EPS8L3: variants seen among roughly 807,000 people sequenced by gnomAD.
The protein encoded by EPS8L3 is epidermal growth factor receptor kinase substrate 8-like protein 3.
A neutral mutation model predicts 88.5 loss-of-function variants in EPS8L3; 80 were observed. The ratio of observed to expected loss-of-function variants is 0.90; its 90% CI spans 0.75 to 1.09. EPS8L3 has a LOEUF of 1.09. EPS8L3 is among the 50% of genes least tolerant of loss of function. EPS8L3 has a pLI of 0.00. For synonymous variants in EPS8L3, 286 were observed against 291.0 expected (o/e 0.98, Z 0.18); for missense variants, 721 against 735.2 (o/e 0.98, Z 0.22).
intron 14 of EPS8L3, 69 bp from the exon 15 acceptor site, chr1:109,752,262 A>T (rs767610084): frequency 4.1e-6 from 6 of 1,447,534 alleles, no homozygotes; most frequent in Non-Finnish European, 5.7e-6. Context: ...CAGCCCTGAG[A>T]TTCCCCTCAG....
chr1:109,751,569 A>G (rs954961323), intron 16 of EPS8L3, 85 bp downstream of exon 16: 16 of 1,586,946 alleles, frequency 1.0e-5, no homozygotes, highest in Admixed American at 1.7e-5. Flanking sequence ...AACCAAGACT[A>G]TCTCCTCTGC....
Position 109,757,061 on chromosome 1 carries a change from C to G in EPS8L3, c.1074G>C (p.Glu358Asp). 6.2e-7 allele frequency: 1 copy of G among 1,614,174 alleles called. No homozygotes were observed. The highest frequency in any genetic ancestry group is 8.5e-7 in the Non-Finnish European group (1 of 1,180,024). Residue 358 changes from glutamate (E) to aspartate (D), a missense_variant, in exon 12 of 19, where the codon GAG (glutamate) becomes GAC (aspartate). Transcript: ENST00000361965. ...GGCCCAACCCCATCCAAAGGTTACT[C>G]TCAGGTGGGCTTAGACAGGACTGTA... ...NLLQSCLSPP[E>D]SNLWMGLGPA... is the part of the protein sequence containing the mutation.
At chr1:109,756,491 C>G (rs552005773) in intron 12 of EPS8L3, among the ~76,000 whole-genome samples, 1 of 152,340 alleles carries the variant, frequency 6.6e-6, no homozygotes, top group African/African-American at 2.4e-5. Context: ...GCCCACCTGG[C>G]CTCCCAGAGT....
At chr1:109,758,713 G>C in intron 6 of EPS8L3, 50 bp from the exon 7 acceptor site, 1 of 1,517,208 alleles carries the variant, frequency 6.6e-7, no homozygotes. Flanking sequence ...TCTTTGGAGA[G>C]AGGCCCTCCC....
At chr1:109,762,035 G>C (rs1570710026) in intron 1 of EPS8L3, among the ~76,000 whole-genome samples, 1 of 152,164 alleles carries the variant, frequency 6.6e-6, no homozygotes, top group Non-Finnish European at 1.5e-5. Context: ...CTCAGGGAAG[G>C]CTCCAGGCCT....
chr1:109,756,903 A>G, intron 12 of EPS8L3, 114 bp downstream of exon 12: 1 of 1,348,390 alleles, frequency 7.4e-7, no homozygotes. Context: ...TCCCCCAAGT[A>G]GCTCTGAAAT....
chr1:109,760,653 AGCTGAG>A (rs1650819693), intron 3 of EPS8L3, among the ~76,000 whole-genome samples: 1 of 152,084 alleles, frequency 6.6e-6, no homozygotes, highest in Non-Finnish European at 1.5e-5. Context: ...CCTACAGAGA[AGCTGAG>A]TCCTCCTGGC....
At chr1:109,758,084 T>G in intron 8 of EPS8L3, 26 bp from the exon 9 acceptor site, 1 of 1,602,986 alleles carries the variant, frequency 6.2e-7, no homozygotes, top group Non-Finnish European at 8.5e-7. Flanking sequence ...CCCATGGCCT[T>G]GAACGGGCAG....
chr1:109,758,181 C>G, intron 8 of EPS8L3, 123 bp from the exon 9 acceptor site: 1 of 1,286,280 alleles, frequency 7.8e-7, no homozygotes, highest in East Asian at 2.3e-5. Flanking sequence ...GGAGTATAAA[C>G]AAGCCTCTCT....
chr1:109,757,568 A>G lies in EPS8L3; in HGVS notation c.895-13T>C, dbSNP rs2101475060. ...TGGCCAGCCTTCCCTGGGGACACAG[A>G]GCAATGCCTGTCACCACCCTTCACC... On this transcript the variant is annotated splice_polypyrimidine_tract_variant and intron_variant, in intron 10 of 18. Transcript: ENST00000361965. 6.2e-7 allele frequency: 1 copy of G among 1,610,630 alleles called. No individual in the cohort carries two copies.
In EPS8L3 at chr1:109,759,749, G is replaced by A. The variant is rs562928637; in HGVS notation, c.184C>T (p.Arg62Trp). 7 of 1,614,062 alleles carry A rather than the reference G, an allele frequency of 4.3e-6. No homozygotes were observed. Among genetic ancestry groups the A allele is most frequent in the Middle Eastern group, 1.6e-4 (1 of 6,062 alleles). ...AGGATCAAGTCTTGGCTCCACACCC[G>A]GCCCTGTGCATCCATCTCGAACAGC... ...QKLFEMDAQG[R>W]VWSQDLILQV... Residue 62 changes from arginine to tryptophan, a missense_variant, in exon 4 of 19, where the codon CGG (arginine) becomes TGG (tryptophan). By Grantham distance (101) the Arg-to-Trp change is moderately radical. Coordinates refer to ENST00000361965, the MANE Select transcript of EPS8L3 (RefSeq NM_133181.4). This position sits in a 1 kb window ranked among gnomAD's most constrained non-coding sequence, Gnocchi z 4.2.
At position 109,751,771 on chromosome 1, in the gene EPS8L3, G is replaced by T; in HGVS notation, c.1446C>A (p.His482Gln). ...TCTTCACCAGCCACCACCGCTTGCT[G>T]TGGTCCAGAACCTGCCAAGAGTCAC... ...VQGEKLEVLD[H>Q]SKRWWLVKNE... is the part of the protein sequence containing the mutation. The change falls in exon 16 of 19, where the codon CAC becomes CAA. Residue 482 changes from histidine to glutamine, a missense_variant. His to Gln is a conservative substitution (Grantham distance 24). Transcript: ENST00000361965. 6.2e-7 allele frequency: 1 copy of T among 1,613,570 alleles called. No homozygotes were observed.
At chr1:109,758,742 C>T in intron 6 of EPS8L3, 79 bp from the exon 7 acceptor site, 2 of 1,484,024 alleles carry the variant, frequency 1.3e-6, no homozygotes, top group Admixed American at 2.3e-5. Flanking sequence ...TGCTCCAGGA[C>T]CCAGGGGCAC....
intron 12 of EPS8L3, among the ~76,000 whole-genome samples, chr1:109,754,238 C>T (rs1181243151): frequency 2.0e-5 from 3 of 152,304 alleles, no homozygotes; most frequent in Non-Finnish European, 4.4e-5. Flanking sequence ...TGGTTTCTAC[C>T]TCTGCCATTA....
intron 18 of EPS8L3, 64 bp downstream of exon 18, chr1:109,750,596 C>G (rs1649687773): frequency 1.2e-6 from 2 of 1,608,410 alleles, no homozygotes; most frequent in Non-Finnish European, 1.7e-6. Context: ...TCCAACTGGC[C>G]CTCTCTCTCA....
intron 13 of EPS8L3, 73 bp from the exon 14 acceptor site, chr1:109,752,793 G>T: frequency 1.5e-6 from 2 of 1,348,586 alleles, no homozygotes; most frequent in Non-Finnish European, 1.0e-6. Flanking sequence ...TGGGGTATCC[G>T]ACCACAGGCA....
rs1019480475 is a variant in EPS8L3, at chr1:109,753,279, C to G, written c.1119-81G>C. The G allele has an allele frequency of 2.6e-6, 3 of 1,140,412 alleles. No homozygotes were observed. In the African/African-American group the frequency reaches 4.7e-5, roughly 18 times the overall value. The allele number at this position is 1,140,412 out of a possible 1,614,324, so 70.6% of individuals were successfully genotyped here. A position where few individuals can be genotyped will look rare whatever the true frequency, so the allele number is the denominator to read the frequency against. On this transcript the variant is annotated intron_variant, in intron 12 of 18. Transcript: ENST00000361965. Reference sequence around the variant, plus strand: ...CTGTGGGACGCGGACAGGGAGGGGACGACAGGGCCTAGCCTCAGGAATCTT... The same window carrying G: ...CTGTGGGACGCGGACAGGGAGGGGAGGACAGGGCCTAGCCTCAGGAATCTT...
Position 109,752,030 on chromosome 1 carries a change from G to C in EPS8L3, c.1399C>G (p.Arg467Gly). Residue 467 changes from arginine (R) to glycine (G), a missense_variant, in exon 15 of 19, where the codon CGG becomes GGG. Arg to Gly is a moderately radical substitution (Grantham distance 125). Coordinates refer to ENST00000361965, the MANE Select transcript of EPS8L3 (RefSeq NM_133181.4). ...TCTCCCTGGACCACAGTCAGTTCCCGTGGGTTCCTAGCTTCAAACTCGTAC... is the reference window on the plus strand; with the variant it reads ...TCTCCCTGGACCACAGTCAGTTCCCCTGGGTTCCTAGCTTCAAACTCGTAC... ...VLYEFEARNP[R>G]ELTVVQGEKL... is the part of the protein sequence containing the mutation. 6.2e-7 allele frequency: 1 copy of C among 1,613,240 alleles called. No homozygotes were observed. The highest frequency in any genetic ancestry group is 8.5e-7 in the Non-Finnish European group (1 of 1,179,510).
At chr1:109,756,243 T>C (rs530641607) in intron 12 of EPS8L3, among the ~76,000 whole-genome samples, 1 of 152,316 alleles carries the variant, frequency 6.6e-6, no homozygotes, top group African/African-American at 2.4e-5. Flanking sequence ...TTTTTTGTTT[T>C]GTTTTGTTTT....
Sources: allele counts gnomAD v4.1 joint callset (sites outside exome capture counted in the v4.1 genomes callset), GRCh38; gene constraint gnomAD v4.1.1; non-coding constraint Gnocchi (gnomAD v3.1); transcripts MANE v1.5; gene names NCBI Gene and HGNC (gene_info 2026-07-23, HGNC 2026-07-21).